The following ENTHD1 variants were observed in gnomAD, a reference collection of about 807,000 sequenced individuals.
The protein encoded by ENTHD1 is ENTH domain-containing protein 1.
A neutral mutation model predicts 39.1 loss-of-function variants in ENTHD1; 23 were observed. That is an observed-to-expected ratio of 0.59 (90% CI 0.42 to 0.83). The LOEUF is 0.83. Among genes scored for constraint, ENTHD1 ranks in the 40% least tolerant of loss-of-function variants. The pLI, the probability that ENTHD1 is intolerant of heterozygous loss-of-function variation, is 0.00. For missense variants in ENTHD1, 624 were observed against 705.4 expected (o/e 0.88, Z 1.31); for synonymous variants, 230 against 258.2 (o/e 0.89, Z 1.05).
intron 6 of ENTHD1, among the ~76,000 whole-genome samples, chr22:39,746,746 C>T (rs748860239): frequency 3.3e-5 from 5 of 152,140 alleles, no homozygotes; most frequent in Non-Finnish European, 5.9e-5. Flanking sequence ...GGGAGGCCAG[C>T]AGGGGGAGGG....
intron 1 of ENTHD1, among the ~76,000 whole-genome samples, chr22:39,888,727 G>A (rs1230283120): frequency 6.6e-6 from 1 of 151,992 alleles, no homozygotes; most frequent in African/African-American, 2.4e-5. Context: ...CTTCCGGCCT[G>A]CCTGGCTAAT....
At chr22:39,879,235 G>T (rs2066314935) in intron 2 of ENTHD1, among the ~76,000 whole-genome samples, 1 of 151,870 alleles carries the variant, frequency 6.6e-6, no homozygotes, top group Admixed American at 6.6e-5. Flanking sequence ...GGCTGAGGCG[G>T]GCGGATCACG....
chr22:39,849,003 A>T (rs2066013951), intron 3 of ENTHD1, among the ~76,000 whole-genome samples: 1 of 152,086 alleles, frequency 6.6e-6, no homozygotes, highest in Non-Finnish European at 1.5e-5. Flanking sequence ...TCTGTCATTT[A>T]CTGATTCCAT....
intron 5 of ENTHD1, among the ~76,000 whole-genome samples, chr22:39,794,687 C>T (rs764850483): frequency 6.6e-6 from 1 of 151,990 alleles, no homozygotes; most frequent in Non-Finnish European, 1.5e-5. Context: ...GCCTGTAGTC[C>T]CAGCTACTCA....
intron 6 of ENTHD1, among the ~76,000 whole-genome samples, chr22:39,759,277 G>A (rs569142319): frequency 4.6e-5 from 7 of 152,222 alleles, no homozygotes; most frequent in African/African-American, 1.7e-4. Flanking sequence ...ATGTGTGTTT[G>A]TGTATATGTG....
intron 2 of ENTHD1, among the ~76,000 whole-genome samples, chr22:39,877,961 T>C (rs922028165): frequency 6.6e-6 from 1 of 152,156 alleles, no homozygotes; most frequent in African/African-American, 2.4e-5. Flanking sequence ...ACAGAACAAG[T>C]AACAAAACCC....
chr22:39,807,913 G>GTGTGTA (rs1033132013), intron 5 of ENTHD1, among the ~76,000 whole-genome samples: 2 of 150,438 alleles, frequency 1.3e-5, no homozygotes, highest in African/African-American at 4.9e-5. Context: ...GTGTGTGTGT[G>GTGTGTA]TATATATATA....
intron 5 of ENTHD1, among the ~76,000 whole-genome samples, chr22:39,808,718 T>C (rs576833935): frequency 1.3e-5 from 2 of 152,306 alleles, no homozygotes; most frequent in African/African-American, 4.8e-5. Flanking sequence ...TAATATTCTT[T>C]TAATTATCAC....
intron 2 of ENTHD1, among the ~76,000 whole-genome samples, chr22:39,869,470 A>C (rs1486889342): frequency 6.6e-6 from 1 of 152,138 alleles, no homozygotes; most frequent in Non-Finnish European, 1.5e-5. Flanking sequence ...GACTACTGGA[A>C]GTGGGAGGAG....
intron 6 of ENTHD1, among the ~76,000 whole-genome samples, chr22:39,747,159 T>C (rs1170385701): frequency 6.6e-6 from 1 of 152,158 alleles, no homozygotes; most frequent in Non-Finnish European, 1.5e-5. Flanking sequence ...GGCTCTTTTC[T>C]TGAATTTTTT....
At position 39,877,544 on chromosome 22, in the gene ENTHD1, G is replaced by A. The variant is rs148970882; in HGVS notation, c.349+9856C>T. 3.9e-3 allele frequency among the ~76,000 whole-genome samples: 597 copies of A among 152,292 alleles called. 3 individuals are homozygous for A. The highest frequency in any genetic ancestry group is 0.014 in the African/African-American group (574 of 41,560). ...AGAAACCTCCAAGGAAACAAGTGCT[G>A]AGGTCGGGAAGCCTGAACTATAACT... On this transcript the variant is annotated intron_variant, in intron 2 of 6. Transcript: ENST00000325157.
At chr22:39,812,023 A>AC (rs1180145381) in intron 5 of ENTHD1, among the ~76,000 whole-genome samples, 1 of 126,934 alleles carries the variant, frequency 7.9e-6, no homozygotes, top group East Asian at 2.1e-4. Context: ...AACAAAAAAA[A>AC]AACGACATAG....
chr22:39,804,504 C>T (rs1298551529), intron 5 of ENTHD1, among the ~76,000 whole-genome samples: 2 of 151,700 alleles, frequency 1.3e-5, no homozygotes, highest in Non-Finnish European at 2.9e-5. Context: ...CTCAATATCC[C>T]ATTTCCCTCT....
intron 5 of ENTHD1, among the ~76,000 whole-genome samples, chr22:39,789,870 G>A (rs765455878): frequency 2.0e-5 from 3 of 152,106 alleles, no homozygotes; most frequent in Non-Finnish European, 2.9e-5. Flanking sequence ...GTGGGGCAGT[G>A]TGACTGTTTT....
intron 5 of ENTHD1, among the ~76,000 whole-genome samples, chr22:39,767,182 G>GCTTT (rs2065283774): frequency 6.6e-6 from 1 of 152,104 alleles, no homozygotes; most frequent in Non-Finnish European, 1.5e-5. Flanking sequence ...GCACAAAGAT[G>GCTTT]AAAGAAAAAG....
Position 39,861,905 on chromosome 22 carries a change from G to A in ENTHD1, c.452C>T (p.Thr151Ile). The change falls in exon 3 of 7, where the codon ACC (threonine) becomes ATC (isoleucine). Residue 151 changes from threonine to isoleucine, a missense_variant. Thr to Ile is a moderately conservative substitution (Grantham distance 89). Coordinates refer to ENST00000325157, the MANE Select transcript of ENTHD1 (RefSeq NM_152512.4). ...REVACRTRQRTSHSILFSKRQ... is the reference protein window; with the variant it reads ...REVACRTRQRISHSILFSKRQ... ...TTTAGAAAACAATATAGAGTGGGAG[G>A]TACGCTGTCTAGTCCGACATGCCAC... 6.2e-7 allele frequency: 1 copy of A among 1,603,388 alleles called. No homozygotes were observed. The highest frequency in any genetic ancestry group is 8.5e-7 in the Non-Finnish European group (1 of 1,172,774).
intron 5 of ENTHD1, among the ~76,000 whole-genome samples, chr22:39,817,623 AG>A (rs776132019): frequency 7.9e-5 from 12 of 152,176 alleles, no homozygotes; most frequent in Non-Finnish European, 1.6e-4. Flanking sequence ...GGGACAGTCA[AG>A]GGAGCTTTTG....
chr22:39,755,773 C>T (rs1322692717), intron 6 of ENTHD1, among the ~76,000 whole-genome samples: 2 of 152,114 alleles, frequency 1.3e-5, no homozygotes, highest in African/African-American at 2.4e-5. Context: ...TTACATTACA[C>T]TTATCCTATC....
At chr22:39,801,863 C>G (rs753710942) in intron 5 of ENTHD1, among the ~76,000 whole-genome samples, 1 of 151,868 alleles carries the variant, frequency 6.6e-6, no homozygotes, top group Non-Finnish European at 1.5e-5. Flanking sequence ...AGCAGACATA[C>G]AACCATCATC....
Sources: gnomAD v4.1 joint callset for allele counts (sites outside exome capture counted in the v4.1 genomes callset) on GRCh38, gnomAD v4.1.1 for gene constraint, MANE v1.5 for transcripts, NCBI Gene and HGNC (gene_info 2026-07-23, HGNC 2026-07-21) for gene names.